Variants in CTNNA3 observed in about 807,000 individuals in gnomAD.
The protein encoded by CTNNA3 is catenin alpha 3.
Under a neutral mutation model 95.7 loss-of-function variants are expected in CTNNA3, and 76 were observed. The ratio of observed to expected loss-of-function variants is 0.79; its 90% CI spans 0.66 to 0.96. The LOEUF is 0.96. Ranked by LOEUF, CTNNA3 falls within the 40% of genes least tolerant of loss-of-function variation. The probability of loss-of-function intolerance (pLI) is 0.00; values close to 1 mark genes in which losing one functional copy is unlikely to be tolerated. For missense variants in CTNNA3, 1,191 were observed against 1,089.8 expected, an observed-to-expected ratio of 1.09 and a Z score of -1.31; for synonymous variants, 431 against 374.4, an observed-to-expected ratio of 1.15 and a Z score of -1.74.
chr10:66,405,622 T>G (rs1169664475), intron 11 of CTNNA3, among the ~76,000 whole-genome samples: 1 of 152,180 alleles, frequency 6.6e-6, no homozygotes, highest in African/African-American at 2.4e-5. Flanking sequence ...AAACATCTCC[T>G]GAACTTTTCC....
chr10:66,084,014 A>T (rs549829080), intron 14 of CTNNA3, among the ~76,000 whole-genome samples: 1 of 151,912 alleles, frequency 6.6e-6, no homozygotes, highest in Non-Finnish European at 1.5e-5. Flanking sequence ...GCATGCCTGT[A>T]ATCCTAGCTA....
At chr10:66,369,639 T>C (rs958656522) in intron 12 of CTNNA3, among the ~76,000 whole-genome samples, 3 of 152,162 alleles carry the variant, frequency 2.0e-5, no homozygotes, top group Non-Finnish European at 2.9e-5. Context: ...TTAATTGATT[T>C]CATTGAATAA....
At chr10:66,300,192 T>G (rs2091841034) in intron 12 of CTNNA3, among the ~76,000 whole-genome samples, 1 of 152,048 alleles carries the variant, frequency 6.6e-6, no homozygotes, top group Non-Finnish European at 1.5e-5. Context: ...ACACCTGGCC[T>G]ACAATGAGGA....
intron 13 of CTNNA3, among the ~76,000 whole-genome samples, chr10:66,248,541 T>C (rs573470472): frequency 2.7e-5 from 4 of 150,724 alleles, no homozygotes; most frequent in African/African-American, 9.8e-5. Flanking sequence ...AAATAAGAAA[T>C]AAAAAAAGAT....
intron 1 of CTNNA3, among the ~76,000 whole-genome samples, chr10:67,762,636 G>A (rs1170293370): frequency 6.6e-6 from 1 of 152,144 alleles, no homozygotes; most frequent in East Asian, 1.9e-4. Flanking sequence ...CAGGGTATAG[G>A]TAAGGGAGGA....
At chr10:66,664,200 AGAC>A (rs1846362275) in intron 9 of CTNNA3, among the ~76,000 whole-genome samples, 1 of 152,098 alleles carries the variant, frequency 6.6e-6, no homozygotes, top group Non-Finnish European at 1.5e-5. Flanking sequence ...AATCTCCCCC[AGAC>A]ACTTTTATAT....
chr10:67,378,413 T>G (rs1843776306), intron 5 of CTNNA3, among the ~76,000 whole-genome samples: 1 of 152,176 alleles, frequency 6.6e-6, no homozygotes, highest in Non-Finnish European at 1.5e-5. Context: ...CGAATATTTG[T>G]GTAGAACACT....
At chr10:67,727,142 ATATAT>A (rs1458295105) in intron 1 of CTNNA3, among the ~76,000 whole-genome samples, 7 of 122,928 alleles carry the variant, frequency 5.7e-5, no homozygotes, top group South Asian at 2.3e-4. Context: ...TATATGATAC[ATATAT>A]TATATAATTA....
intron 9 of CTNNA3, among the ~76,000 whole-genome samples, chr10:66,753,286 T>C (rs532248788): frequency 6.6e-6 from 1 of 152,312 alleles, no homozygotes; most frequent in Admixed American, 6.5e-5. Context: ...GCTTTGTATA[T>C]ACAGCCCTTT....
chr10:67,168,089 T>C (rs10997543), intron 7 of CTNNA3, among the ~76,000 whole-genome samples: 42,260 of 152,110 alleles, frequency 0.28, 8,171 homozygotes, highest in African/African-American at 0.56. Flanking sequence ...TGAGCCGAGA[T>C]GGCGTCACTG....
chr10:67,331,960 C>T (rs538553655), intron 5 of CTNNA3, among the ~76,000 whole-genome samples: 1 of 152,182 alleles, frequency 6.6e-6, no homozygotes, highest in East Asian at 1.9e-4. Flanking sequence ...AATATATAGC[C>T]ATTCTCAATA....
chr10:66,766,124 C>T, intron 9 of CTNNA3, 140 bp downstream of exon 9: 1 of 727,710 alleles, frequency 1.4e-6, no homozygotes, highest in Non-Finnish European at 2.3e-6. Context: ...ACATATACAC[C>T]TTCATATTAC....
chr10:67,509,862 T>C (rs1479685248), intron 5 of CTNNA3, among the ~76,000 whole-genome samples: 1 of 152,168 alleles, frequency 6.6e-6, no homozygotes, highest in Non-Finnish European at 1.5e-5. Flanking sequence ...TGTTGTTTCC[T>C]GACTTTTTAA....
intron 7 of CTNNA3, among the ~76,000 whole-genome samples, chr10:66,957,645 A>G (rs1019153828): frequency 1.4e-4 from 21 of 151,742 alleles, no homozygotes; most frequent in African/African-American, 5.1e-4. Context: ...GTGACTCAAG[A>G]AAGTTAATCC....
At chr10:66,195,701 A>T (rs2086920511) in intron 13 of CTNNA3, among the ~76,000 whole-genome samples, 1 of 151,656 alleles carries the variant, frequency 6.6e-6, no homozygotes, top group Admixed American at 6.6e-5. Context: ...GTAAGTCTCT[A>T]TGCTGCTTAA....
At chr10:66,444,461 C>T (rs2093402064) in intron 11 of CTNNA3, among the ~76,000 whole-genome samples, 1 of 152,174 alleles carries the variant, frequency 6.6e-6, no homozygotes, top group Non-Finnish European at 1.5e-5. Flanking sequence ...AGCCATCAGA[C>T]TAACAGTAGA....
chr10:66,476,819 T>C (rs2456660), intron 11 of CTNNA3, among the ~76,000 whole-genome samples: 32,290 of 151,998 alleles, frequency 0.21, 6,541 homozygotes, highest in East Asian at 0.84. Context: ...AGTTTGATAT[T>C]AATGACTCCT....
intron 6 of CTNNA3, among the ~76,000 whole-genome samples, chr10:67,204,238 G>C (rs953756185): frequency 1.3e-5 from 2 of 152,088 alleles, no homozygotes; most frequent in Non-Finnish European, 2.9e-5. Context: ...ACTAATGTTG[G>C]AGGAGGGGCT....
At chr10:67,228,292 C>T (rs1440429047) in intron 5 of CTNNA3, among the ~76,000 whole-genome samples, 1 of 152,100 alleles carries the variant, frequency 6.6e-6, no homozygotes. Context: ...CAAGAAAAGA[C>T]AAGCGAAAAT....
Sources: allele counts gnomAD v4.1 joint callset (sites outside exome capture counted in the v4.1 genomes callset), GRCh38; gene constraint gnomAD v4.1.1; transcripts MANE v1.5; gene names NCBI Gene and HGNC (gene_info 2026-07-23, HGNC 2026-07-21).